Variants in CACNA2D1 observed in about 807,000 individuals in gnomAD.
CACNA2D1 encodes voltage-dependent calcium channel subunit alpha-2/delta-1.
In CACNA2D1, 53 loss-of-function variants were observed where a neutral mutation model predicts 171.5. The observed-to-expected ratio is 0.31, with a 90% CI of 0.25 to 0.39. The LOEUF (loss-of-function observed/expected upper bound fraction) is 0.39. CACNA2D1 is among the 10% of genes least tolerant of loss of function. CACNA2D1 has a pLI of 1.00. For missense variants in CACNA2D1, 903 were observed against 1,299.8 expected (o/e 0.69, Z 4.69); for synonymous variants, 442 against 443.1 (o/e 1.00, Z 0.03).
At chr7:82,400,067 G>T (rs921124061) in intron 1 of CACNA2D1, among the ~76,000 whole-genome samples, 1 of 151,194 alleles carries the variant, frequency 6.6e-6, no homozygotes, top group African/African-American at 2.4e-5. Flanking sequence ...CTATATCTCT[G>T]TTTTGGTACC....
At chr7:81,950,952 C>T (rs990014498) in intron 38 of CACNA2D1, among the ~76,000 whole-genome samples, 1 of 152,026 alleles carries the variant, frequency 6.6e-6, no homozygotes, top group Non-Finnish European at 1.5e-5. Flanking sequence ...ATTTCCATTT[C>T]CCATATTTCT....
chr7:82,235,301 CAAGTGCTAGTATA>C (rs763243701), intron 3 of CACNA2D1, among the ~76,000 whole-genome samples: 8 of 152,150 alleles, frequency 5.3e-5, no homozygotes, highest in Non-Finnish European at 1.0e-4. Flanking sequence ...ATATTCCACA[CAAGTGCTAGTATA>C]AAGTAGAACT....
intron 38 of CACNA2D1, among the ~76,000 whole-genome samples, chr7:81,952,291 A>T (rs905940325): frequency 2.0e-5 from 3 of 152,030 alleles, no homozygotes; most frequent in Non-Finnish European, 4.4e-5. Context: ...TTTTACAAAG[A>T]TTCTAAGCTC....
chr7:82,284,383 T>A (rs150061789), intron 3 of CACNA2D1, among the ~76,000 whole-genome samples: 1 of 152,308 alleles, frequency 6.6e-6, no homozygotes, highest in African/African-American at 2.4e-5. Flanking sequence ...AAAAAACCAC[T>A]GGAGTTTGCC....
chr7:82,111,407 CA>C (rs1788397500), intron 6 of CACNA2D1, among the ~76,000 whole-genome samples: 1 of 69,092 alleles, frequency 1.4e-5, no homozygotes. Flanking sequence ...TATATATATT[CA>C]TATATGTGTA....
intron 4 of CACNA2D1, among the ~76,000 whole-genome samples, chr7:82,146,461 TAA>T (rs1231929979): frequency 6.9e-6 from 1 of 145,588 alleles, no homozygotes; most frequent in Non-Finnish European, 1.5e-5. Flanking sequence ...AAGATATATA[TAA>T]ATATATATCT....
chr7:82,431,298 A>C (rs1445201633), intron 1 of CACNA2D1, among the ~76,000 whole-genome samples: 1 of 152,282 alleles, frequency 6.6e-6, no homozygotes, highest in Non-Finnish European at 1.5e-5. Flanking sequence ...TCAATTCGTG[A>C]TCTCTTAAAG....
chr7:82,040,464 A>C (rs1365767652), intron 10 of CACNA2D1, among the ~76,000 whole-genome samples: 1 of 147,062 alleles, frequency 6.8e-6, no homozygotes, highest in East Asian at 2.0e-4. Context: ...AAAAAAAAAA[A>C]AAAAAAACAG....
intron 18 of CACNA2D1, among the ~76,000 whole-genome samples, chr7:82,004,568 C>T (rs542986216): frequency 2.6e-5 from 4 of 152,100 alleles, no homozygotes; most frequent in African/African-American, 9.6e-5. Flanking sequence ...AGTATGTTCA[C>T]ACACTTGTGA....
At chr7:82,149,374 A>T (rs1793528274) in intron 4 of CACNA2D1, among the ~76,000 whole-genome samples, 2 of 152,134 alleles carry the variant, frequency 1.3e-5, no homozygotes, top group Admixed American at 1.3e-4. Context: ...TGATCCCAGG[A>T]GACACCAATA....
At chr7:82,320,575 C>T (rs1815681486) in intron 3 of CACNA2D1, among the ~76,000 whole-genome samples, 2 of 128,710 alleles carry the variant, frequency 1.6e-5, no homozygotes, top group Admixed American at 8.5e-5. Context: ...CCACACTTGG[C>T]TAATTTTTTT....
intron 3 of CACNA2D1, among the ~76,000 whole-genome samples, chr7:82,291,408 T>A (rs1212560710): frequency 7.3e-6 from 1 of 136,694 alleles, no homozygotes; most frequent in Non-Finnish European, 1.5e-5. Context: ...ACACTAGATA[T>A]ATAATATCTA....
At chr7:82,406,871 CTT>C (rs1827115103) in intron 1 of CACNA2D1, among the ~76,000 whole-genome samples, 1 of 152,130 alleles carries the variant, frequency 6.6e-6, no homozygotes. Flanking sequence ...ATGCTTTCCA[CTT>C]TCTTTTCAAC....
At position 82,198,531 on chromosome 7, in the gene CACNA2D1, T is replaced by A. The variant is rs150296237; in HGVS notation, c.295-27922A>T. The stretch of plus-strand genomic sequence containing the variant: ...ATCCCACATCACTTAATTCAGAATG[T>A]CTGAGGGTAGAAGTCAGGCACCAGT... On this transcript the variant is annotated intron_variant, in intron 3 of 38. Transcript: ENST00000356860. 7.9e-4 allele frequency among the ~76,000 whole-genome samples: 120 copies of A among 151,078 alleles called. 1 individual carries two copies. Among genetic ancestry groups the A allele is most frequent in the Admixed American group, 5.6e-3 (84 of 14,998 alleles).
intron 18 of CACNA2D1, among the ~76,000 whole-genome samples, chr7:82,001,472 C>T (rs1195602475): frequency 6.6e-6 from 1 of 152,166 alleles, no homozygotes; most frequent in Non-Finnish European, 1.5e-5. Flanking sequence ...AATACACACC[C>T]TCTACCATCA....
At chr7:82,252,701 C>A (rs1186930510) in intron 3 of CACNA2D1, among the ~76,000 whole-genome samples, 1 of 151,990 alleles carries the variant, frequency 6.6e-6, no homozygotes, top group Non-Finnish European at 1.5e-5. Context: ...ACCATCTGGG[C>A]CAACATGGTG....
chr7:81,952,610 C>T (rs1324249891), intron 38 of CACNA2D1, among the ~76,000 whole-genome samples: 1 of 152,074 alleles, frequency 6.6e-6, no homozygotes, highest in Non-Finnish European at 1.5e-5. Flanking sequence ...CTAATGTACT[C>T]TTCTGGTTTT....
intron 3 of CACNA2D1, among the ~76,000 whole-genome samples, chr7:82,193,164 C>A (rs1798510472): frequency 6.8e-6 from 1 of 146,278 alleles, no homozygotes; most frequent in Non-Finnish European, 1.5e-5. Context: ...CGGGCTTCAA[C>A]CCCTCATAAT....
At chr7:82,233,664 C>T (rs983745066) in intron 3 of CACNA2D1, among the ~76,000 whole-genome samples, 8 of 152,072 alleles carry the variant, frequency 5.3e-5, no homozygotes, top group Non-Finnish European at 1.2e-4. Context: ...TTGGCGCATA[C>T]TATACAGGAC....
Sources: allele counts gnomAD v4.1 joint callset (sites outside exome capture counted in the v4.1 genomes callset), GRCh38; gene constraint gnomAD v4.1.1; transcripts MANE v1.5; gene names NCBI Gene and HGNC (gene_info 2026-07-23, HGNC 2026-07-21).